The following SP140 variants were observed in gnomAD, a reference collection of about 807,000 sequenced individuals.
SP140 encodes the protein nuclear body protein SP140.
In SP140, 81 loss-of-function variants were observed where a neutral mutation model predicts 125.0. The observed-to-expected ratio is 0.65, with a 90% CI of 0.54 to 0.78. The LOEUF is 0.78. Among genes scored for constraint, SP140 ranks in the 30% least tolerant of loss-of-function variants. The probability of loss-of-function intolerance (pLI) is 0.00; values close to 1 mark genes in which losing one functional copy is unlikely to be tolerated. For missense variants in SP140, 858 were observed against 1,037.0 expected (o/e 0.83, Z 2.37); for synonymous variants, 312 against 354.0 (o/e 0.88, Z 1.33).
At chr2:230,309,619 T>A (rs2059147245) in intron 22 of SP140, among the ~76,000 whole-genome samples, 1 of 152,246 alleles carries the variant, frequency 6.6e-6, no homozygotes, top group Non-Finnish European at 1.5e-5. Flanking sequence ...ATCTGCAGAA[T>A]AAGGAAATTA....
At chr2:230,222,095 T>C (rs915096093), upstream of SP140, among the ~76,000 whole-genome samples, 3 of 152,142 alleles carry the variant, frequency 2.0e-5, no homozygotes, top group African/African-American at 7.2e-5. Context: ...CTGGGCGTGG[T>C]GGCACATGCC....
At chr2:230,206,633 A>ATATATATATATATG in intron 1 of SP140, among the ~76,000 whole-genome samples, 1 of 113,568 alleles carries the variant, frequency 8.8e-6, no homozygotes, top group South Asian at 2.8e-4. Context: ...ATATATATAT[A>ATATATATATATATG]TATATGGACC....
intron 7 of SP140, among the ~76,000 whole-genome samples, chr2:230,246,742 C>T (rs1272538335): frequency 6.6e-6 from 1 of 151,710 alleles, no homozygotes; most frequent in East Asian, 1.9e-4. Flanking sequence ...GAAATGAGCA[C>T]CATGGAAGAA....
In SP140 at chr2:230,269,583, AGCTTGCTTCTAGCCT is replaced by A. The variant is rs773311536; in HGVS notation, c.1296_1310del (p.Ala433_Leu437del). On this transcript the variant is annotated inframe_deletion, in exon 13 of 27. Coordinates refer to ENST00000392045, the MANE Select transcript of SP140 (RefSeq NM_007237.5). ...ATGAATGAAGAAGGAGAATCAGAAGAGCTTGCTTCTAGCCTGCTATATGATAATGTACCAGGTAAT... is the reference window on the plus strand; with the variant it reads ...ATGAATGAAGAAGGAGAATCAGAAGAGCTATATGATAATGTACCAGGTAAT... The A allele has an allele frequency of 6.2e-7, 1 of 1,604,498 alleles. No homozygotes were observed. The highest frequency in any genetic ancestry group is 1.1e-5 in the South Asian group (1 of 90,008).
rs1311246540 is a variant in SP140 at position 230,285,747 on chromosome 2, C to G, written c.1565-5C>G. The G allele has an allele frequency of 6.2e-7, 1 of 1,611,862 alleles. No homozygotes were observed. ...ATTAATACATTTTCCCCTGCCTATC[C>G]CCAGATAATAGCAAAGCCGACGGCC... On this transcript the variant is annotated splice_region_variant and splice_polypyrimidine_tract_variant and intron_variant, in intron 16 of 26. Transcript: ENST00000392045.
In SP140 at chr2:230,212,305, A is replaced by G. The variant is rs185679474; in HGVS notation, c.-322-1349A>G. The G allele has an allele frequency of 2.7e-3, 3,803 of 1,433,718 alleles. 16 individuals carry two copies. Among genetic ancestry groups the G allele is most frequent in the Non-Finnish European group, 3.3e-3 (3,302 of 1,015,590 alleles). 88.8% of individuals were successfully genotyped at this position (1,433,718 alleles called of 1,614,324 possible). ...TGGCAGACGCATGTTCTCCCTTCACAGTCACCTTGAGCTAAGCGGTATCAG... is the reference window on the plus strand; with the variant it reads ...TGGCAGACGCATGTTCTCCCTTCACGGTCACCTTGAGCTAAGCGGTATCAG... On this transcript the variant is annotated intron_variant, in intron 1 of 4. Transcript: ENST00000456542.
At chr2:230,282,564 A>G (rs1346962938) in intron 15 of SP140, among the ~76,000 whole-genome samples, 2 of 152,186 alleles carry the variant, frequency 1.3e-5, no homozygotes, top group Non-Finnish European at 1.5e-5. Flanking sequence ...TGGGAGGCCA[A>G]TACAGGAGGA....
At chr2:230,306,757 C>A (rs2058797535) in intron 22 of SP140, among the ~76,000 whole-genome samples, 1 of 152,228 alleles carries the variant, frequency 6.6e-6, no homozygotes. Context: ...AGGAGAGAGG[C>A]CAAGAATGGG....
chr2:230,237,221 C>T lies in SP140; in HGVS notation c.198C>T (p.Gly66=), dbSNP rs779471811. The T allele has an allele frequency of 1.2e-6, 2 of 1,611,448 alleles. No homozygotes were observed. The highest frequency in any genetic ancestry group is 1.7e-6 in the Non-Finnish European group (2 of 1,179,294). The part of the protein sequence containing the change: ...AITRPFPFLM[G]LRDRSFISEQ... ...CAAGGCCATTTCCTTTCCTTATGGGCCTCCGAGACCGCTCCTTCATCTCCG... is the reference window on the plus strand; with the variant it reads ...CAAGGCCATTTCCTTTCCTTATGGGTCTCCGAGACCGCTCCTTCATCTCCG... The change falls in exon 2 of 27, where the codon GGC becomes GGT. Residue 66 remains glycine (G), a synonymous_variant. Transcript: ENST00000392045. This position sits in a 1 kb window ranked among gnomAD's most constrained non-coding sequence, Gnocchi z 5.4.
At position 230,245,006 on chromosome 2, in the gene SP140, G is replaced by C. The variant is rs1331109092; in HGVS notation, c.590G>C (p.Cys197Ser). The C allele has an allele frequency of 1.9e-6, 3 of 1,612,752 alleles. No homozygotes were observed. The African/African-American group carries it at 4.0e-5, about 22-fold the overall frequency. Reference protein sequence around the residue: ...RCEPGFSSESCEQLALPKAGG... With the variant: ...RCEPGFSSESSEQLALPKAGG... ...TTTCCAGGTTTCTCTTCAGAGTCTT[G>C]TGAGCAGTTAGCTCTCCCAAAGGCT... The change falls in exon 6 of 27, where the codon TGT becomes TCT. Residue 197 changes from cysteine (C) to serine (S), a missense_variant. Cys to Ser is a moderately radical substitution (Grantham distance 112). Coordinates refer to ENST00000392045, the MANE Select transcript of SP140 (RefSeq NM_007237.5).
intron 1 of SP140, 98 bp from the exon 2 acceptor site, chr2:230,236,985 G>T: frequency 8.8e-6 from 7 of 795,826 alleles, no homozygotes; most frequent in South Asian, 2.3e-5. Context: ...ATACATGTTG[G>T]CTCTCCATTG....
chr2:230,263,402 A>T (rs748835473), intron 12 of SP140, among the ~76,000 whole-genome samples: 2 of 152,162 alleles, frequency 1.3e-5, no homozygotes, highest in African/African-American at 4.8e-5. Context: ...GTGAGTTCTT[A>T]TCGGTTCTGT....
intron 10 of SP140, 121 bp from the exon 11 acceptor site, chr2:230,253,192 AGAG>A (rs1344254482): frequency 2.9e-6 from 2 of 693,386 alleles, no homozygotes; most frequent in African/African-American, 3.6e-5. Flanking sequence ...AGAAGGAGAA[AGAG>A]GAGATGTAAC....
intron 1 of SP140, chr2:230,209,979 C>A: frequency 6.2e-7 from 1 of 1,609,158 alleles, no homozygotes; most frequent in South Asian, 1.1e-5. Flanking sequence ...TCTTCTGGGT[C>A]ATTTGGTTCT....
chr2:230,279,127 T>A (rs541504599), intron 15 of SP140, among the ~76,000 whole-genome samples: 2 of 152,120 alleles, frequency 1.3e-5, no homozygotes, highest in African/African-American at 4.8e-5. Flanking sequence ...GGTGAAATAT[T>A]TGCACACTGA....
Position 230,211,479 on chromosome 2 carries a change from A to G in SP140, c.-322-2175A>G, listed in dbSNP as rs1296511716. ...ACCAAACCAAGATTACCTGGCATAG[A>G]GCCCAAGGGAGAGTGGGGCATCTCT... On this transcript the variant is annotated intron_variant, in intron 1 of 4. Transcript: ENST00000456542. The surrounding 1 kb of genome is among the most constrained non-coding windows in gnomAD (Gnocchi z 4.2). The G allele has an allele frequency of 6.2e-7, 1 of 1,600,414 alleles. No individual in the cohort carries two copies. Among genetic ancestry groups the G allele is most frequent in the African/African-American group, 1.3e-5 (1 of 74,624 alleles).
intron 15 of SP140, among the ~76,000 whole-genome samples, chr2:230,279,158 G>T (rs2055160582): frequency 1.3e-5 from 2 of 151,968 alleles, no homozygotes; most frequent in African/African-American, 2.4e-5. Flanking sequence ...ATTGATGAAA[G>T]AAATTGAAAA....
intron 15 of SP140, among the ~76,000 whole-genome samples, chr2:230,277,413 C>T (rs1163716417): frequency 1.3e-5 from 2 of 152,146 alleles, no homozygotes; most frequent in Non-Finnish European, 2.9e-5. Context: ...AATGCTATTG[C>T]ACACTTAATA....
intron 17 of SP140, 93 bp downstream of exon 17, chr2:230,285,925 A>T (rs1238150449): frequency 2.1e-6 from 2 of 951,864 alleles, no homozygotes; most frequent in Non-Finnish European, 3.4e-6. Flanking sequence ...TTAATTGTTT[A>T]CTCATCAAGC....
Sources: allele counts gnomAD v4.1 joint callset (sites outside exome capture counted in the v4.1 genomes callset), GRCh38; gene constraint gnomAD v4.1.1; non-coding constraint Gnocchi (gnomAD v3.1); transcripts MANE v1.5; gene names NCBI Gene and HGNC (gene_info 2026-07-23, HGNC 2026-07-21).